The following DMD variants were observed in gnomAD, a reference collection of about 807,000 sequenced individuals.
DMD encodes the protein mutant dystrophin.
In DMD, 63 loss-of-function variants were observed where a neutral mutation model predicts 330.1. That is an observed-to-expected ratio of 0.19 (90% confidence interval 0.16 to 0.24). DMD has a LOEUF of 0.24. DMD is among the 10% of genes least tolerant of loss of function. The probability of loss-of-function intolerance (pLI) is 1.00; values close to 1 mark genes in which losing one functional copy is unlikely to be tolerated. For synonymous variants in DMD, 1,223 were observed against 959.8 expected (o/e 1.27, Z -5.07); for missense variants, 3,344 against 2,684.1 (o/e 1.25, Z -5.43).
chrX:31,369,905 A>T (rs1339150259), intron 60 of DMD, among the ~76,000 whole-genome samples: 1 of 110,599 alleles, frequency 9.0e-6, no homozygotes, highest in Admixed American at 9.6e-5. Context: ...ATAAAACAGG[A>T]GAGCCAAAAT....
intron 55 of DMD, among the ~76,000 whole-genome samples, chrX:31,538,539 A>G (rs964632111): frequency 8.9e-6 from 1 of 112,186 alleles, no homozygotes; most frequent in Non-Finnish European, 1.9e-5. Flanking sequence ...GCACCAGAAG[A>G]TATCCCACAG....
At chrX:32,194,909 C>G (rs1263566670) in intron 44 of DMD, among the ~76,000 whole-genome samples, 1 of 111,447 alleles carries the variant, frequency 9.0e-6, no homozygotes, top group Non-Finnish European at 1.9e-5. Flanking sequence ...GCCTTAAGCA[C>G]AGAAATGCCT....
At chrX:33,253,378 T>C (rs2052803229) in intron 1 of DMD, among the ~76,000 whole-genome samples, 1 of 111,817 alleles carries the variant, frequency 8.9e-6, no homozygotes, top group South Asian at 3.6e-4. Flanking sequence ...CACGAACTAC[T>C]TCTACTAATT....
At chrX:31,295,244 C>T (rs1004006954) in intron 62 of DMD, among the ~76,000 whole-genome samples, 15 of 110,972 alleles carry the variant, frequency 1.4e-4, no homozygotes, top group Non-Finnish European at 2.5e-4. Flanking sequence ...ATCCGCCCAC[C>T]TCGGCCTCAC....
chrX:32,031,390 G>T (rs771575146), intron 44 of DMD, among the ~76,000 whole-genome samples: 2 of 111,135 alleles, frequency 1.8e-5, no homozygotes, highest in South Asian at 7.6e-4. Context: ...AGATTGCACT[G>T]GTTCATCTGG....
At chrX:31,883,630 C>T (rs180837972) in intron 47 of DMD, among the ~76,000 whole-genome samples, 30 of 110,592 alleles carry the variant, frequency 2.7e-4, no homozygotes, top group African/African-American at 9.2e-4. Flanking sequence ...GTCACTCTGG[C>T]GAAAAAGTGA....
intron 1 of DMD, among the ~76,000 whole-genome samples, chrX:33,071,974 G>A (rs1027296388): frequency 8.9e-6 from 1 of 112,322 alleles, no homozygotes; most frequent in Admixed American, 9.5e-5. Context: ...CAAAGGCACT[G>A]TCACAATCAC....
intron 34 of DMD, among the ~76,000 whole-genome samples, chrX:32,378,435 T>C (rs1000605791): frequency 1.3e-4 from 14 of 109,958 alleles, no homozygotes; most frequent in South Asian, 7.4e-4. Flanking sequence ...ATTAAGATAC[T>C]TTAAGATAAA....
At chrX:32,511,595 C>T (rs1370861777) in intron 18 of DMD, among the ~76,000 whole-genome samples, 3 of 102,897 alleles carry the variant, frequency 2.9e-5, no homozygotes, top group Non-Finnish European at 5.9e-5. Flanking sequence ...ATGCTTCTTA[C>T]AACATTCAGT....
rs190253713 is a variant in DMD, at chrX:32,481,511, C to A, written c.2803+3408G>T. On this transcript the variant is annotated intron_variant, in intron 21 of 78. Transcript: ENST00000357033. ...ACCTGTTATAGAAGTTCTATAAGAG[C>A]AATTCTACCCTCATCTTGTCCTAAT... Among the ~76,000 whole-genome samples, 447 of 111,813 alleles carry A rather than the reference C, an allele frequency of 4.0e-3. 3 individuals carry two copies. Among genetic ancestry groups the A allele is most frequent in the African/African-American group, 0.014 (439 of 30,863 alleles).
At chrX:32,879,039 A>AAAACAAACAAAAAACAAAC (rs371655053) in intron 2 of DMD, among the ~76,000 whole-genome samples, 9 of 99,730 alleles carry the variant, frequency 9.0e-5, no homozygotes, top group African/African-American at 3.2e-4. Context: ...AAACAAACAA[A>AAAACAAACAAAAAACAAAC]AAAAAAACAA....
At chrX:31,938,167 G>A (rs2150031473) in intron 45 of DMD, among the ~76,000 whole-genome samples, 1 of 111,791 alleles carries the variant, frequency 8.9e-6, no homozygotes, top group South Asian at 3.7e-4. Flanking sequence ...TTGGTGAGGG[G>A]ATCTAACAAG....
intron 1 of DMD, among the ~76,000 whole-genome samples, chrX:33,322,397 G>C (rs1021162726): frequency 4.6e-5 from 5 of 109,555 alleles, no homozygotes; most frequent in African/African-American, 1.7e-4. Context: ...GGGGGGTGGG[G>C]GTGGCCGGTT....
intron 16 of DMD, among the ~76,000 whole-genome samples, chrX:32,558,938 CTTTTTTTTTTT>C (rs60739281): frequency 1.6e-4 from 8 of 50,816 alleles, no homozygotes; most frequent in Admixed American, 5.7e-4. Flanking sequence ...TTCAAATTTT[CTTTTTTTTTTT>C]TTTTTTTTTT....
chrX:32,596,251 A>G lies in DMD; in HGVS notation c.1483-375T>C, dbSNP rs866393987. 4.6e-5 allele frequency among the ~76,000 whole-genome samples: 5 copies of G among 108,742 alleles called. 1 individual carries two copies. The Middle Eastern group carries it at 0.019, about 414-fold the overall frequency. 94.4% of individuals were successfully genotyped at this position (108,742 alleles called of 115,157 possible). On this transcript the variant is annotated intron_variant, in intron 12 of 78. Coordinates refer to ENST00000357033, the MANE Select transcript of DMD (RefSeq NM_004006.3). Reference sequence around the variant, plus strand: ...ACCATAAAAATAAAACAAACTCTTGATCCAACAAACCGGTCCTCCTACTGT... The same window carrying G: ...ACCATAAAAATAAAACAAACTCTTGGTCCAACAAACCGGTCCTCCTACTGT...
In DMD at chrX:32,310,941, G is replaced by A. The variant is rs142168591; in HGVS notation, c.5923-665C>T. On this transcript the variant is annotated intron_variant, in intron 41 of 78. Coordinates refer to ENST00000357033, the MANE Select transcript of DMD (RefSeq NM_004006.3). The stretch of plus-strand genomic sequence containing the variant: ...CCAGAATGTCCTGATATATAAGGGA[G>A]CACTAGCCTCTTCTCTTGCACCTAC... Among the ~76,000 whole-genome samples the A allele has an allele frequency of 7.0e-4, 78 of 110,993 alleles. 2 individuals carry two copies. In the East Asian group the frequency reaches 0.014, roughly 20 times the overall value.
chrX:31,581,048 C>A (rs975267398), intron 55 of DMD, among the ~76,000 whole-genome samples: 2 of 111,878 alleles, frequency 1.8e-5, no homozygotes, highest in African/African-American at 6.5e-5. Flanking sequence ...TACTAAGCTG[C>A]GTGAAAACTT....
At chrX:32,736,879 C>A (rs1214847198) in intron 7 of DMD, among the ~76,000 whole-genome samples, 2 of 109,281 alleles carry the variant, frequency 1.8e-5, no homozygotes, top group Non-Finnish European at 3.8e-5. Context: ...AACTAACCTG[C>A]ACAATGTGCA....
intron 1 of DMD, among the ~76,000 whole-genome samples, chrX:33,114,543 A>T (rs1376749337): frequency 8.9e-6 from 1 of 111,841 alleles, no homozygotes; most frequent in Non-Finnish European, 1.9e-5. Context: ...TATTTTGAAG[A>T]TAAAACTTTC....
Sources: allele counts gnomAD v4.1 joint callset (sites outside exome capture counted in the v4.1 genomes callset), GRCh38; gene constraint gnomAD v4.1.1; transcripts MANE v1.5; gene names NCBI Gene and HGNC (gene_info 2026-07-23, HGNC 2026-07-21).